The following CCDC190 variants were observed in gnomAD, a reference collection of about 807,000 sequenced individuals.
CCDC190 encodes the protein coiled-coil domain-containing protein 190.
Under a neutral mutation model 13.1 loss-of-function variants are expected in CCDC190, and 10 were observed. The observed-to-expected ratio is 0.77, with a 90% CI of 0.47 to 1.30. CCDC190 has a LOEUF of 1.30. Among genes scored for constraint, CCDC190 ranks in the 50% most tolerant of loss-of-function variants. The pLI, the probability that CCDC190 is intolerant of heterozygous loss-of-function variation, is 0.00. For synonymous variants in CCDC190, 136 were observed against 127.2 expected, an observed-to-expected ratio of 1.07 and a Z score of -0.47; for missense variants, 375 against 354.3, an observed-to-expected ratio of 1.06 and a Z score of -0.47.
Position 162,859,455 on chromosome 1 carries a change from C to T in CCDC190, c.187+5G>A, listed in dbSNP as rs745441821. 1 of 1,612,026 alleles carries T rather than the reference C, an allele frequency of 6.2e-7. No homozygotes were observed. The highest frequency in any genetic ancestry group is 2.2e-5 in the East Asian group (1 of 44,844). ...CATCCTCCTCACCAGTCCTGAAAGTCTTACCTTGCTGCAACCTCTGCAGTT... is the reference window on the plus strand; with the variant it reads ...CATCCTCCTCACCAGTCCTGAAAGTTTTACCTTGCTGCAACCTCTGCAGTT... On this transcript the variant is annotated splice_donor_5th_base_variant and intron_variant, in intron 2 of 3. Transcript: ENST00000367912.
In CCDC190 at chr1:162,853,123, T is replaced by C. The variant is rs1239501745; in HGVS notation, c.*1642A>G. On this transcript the variant is annotated 3_prime_UTR_variant, in exon 4 of 4. Transcript: ENST00000367912. ...AGCAGATTTCTTGTGTTCCTTTCAC[T>C]ATAAAGTATTGTCTCCCCATTGAAG... The C allele has an allele frequency of 6.4e-7, 1 of 1,550,554 alleles. No homozygotes were observed. Among genetic ancestry groups the C allele is most frequent in the Non-Finnish European group, 8.7e-7 (1 of 1,146,800 alleles).
upstream of CCDC190, among the ~76,000 whole-genome samples, chr1:162,863,526 A>G (rs954087151): frequency 6.6e-6 from 1 of 152,202 alleles, no homozygotes; most frequent in African/African-American, 2.4e-5. Flanking sequence ...GACATCAGTC[A>G]GATAGGATGG....
Position 162,852,963 on chromosome 1 carries a change from A to G in CCDC190, c.*1802T>C, listed in dbSNP as rs1368413773. ...GCGCAGTTTACAAAGGGGTTCTCTA[A>G]TTGTTGTATGCCTATTCATGTTGGC... On this transcript the variant is annotated 3_prime_UTR_variant, in exon 4 of 4. Transcript: ENST00000367912. 3.0e-6 allele frequency: 2 copies of G among 657,158 alleles called. No homozygotes were observed. Among genetic ancestry groups the G allele is most frequent in the Non-Finnish European group, 2.7e-6 (1 of 371,542 alleles). The allele number at this position is 657,158 out of a possible 1,614,324, so 40.7% of individuals were successfully genotyped here.
At chr1:162,863,277 A>G (rs1650581555), upstream of CCDC190, among the ~76,000 whole-genome samples, 1 of 152,244 alleles carries the variant, frequency 6.6e-6, no homozygotes, top group Non-Finnish European at 1.5e-5. Flanking sequence ...TTTATAGACT[A>G]TGTGACTGTC....
rs372612357 is a variant in CCDC190, at chr1:162,855,146, A to T, written c.525T>A (p.Ser175=). 1.2e-6 allele frequency: 2 copies of T among 1,613,970 alleles called. No individual in the cohort carries two copies. Among genetic ancestry groups the T allele is most frequent in the Admixed American group, 3.3e-5 (2 of 60,008 alleles). The change falls in exon 4 of 4, where the codon TCT becomes TCA. Residue 175 remains serine (S), a synonymous_variant. Coordinates refer to ENST00000367912, the MANE Select transcript of CCDC190 (RefSeq NM_001394065.1). The part of the protein sequence containing the change: ...SKDVDPSKGI[S]VPCQNQEVST... Reference sequence around the variant, plus strand: ...AAACCTCTTGATTTTGGCATGGAACAGAGATGCCCTTGCTGGGGTCTACGT... The same window carrying T: ...AAACCTCTTGATTTTGGCATGGAACTGAGATGCCCTTGCTGGGGTCTACGT...
Position 162,859,669 on chromosome 1 carries a change from T to G in CCDC190, c.-12-11A>C. On this transcript the variant is annotated splice_polypyrimidine_tract_variant and intron_variant, in intron 1 of 3. Transcript: ENST00000367912. ...CATCTTCTTTATGGTCTAGAGACAA[T>G]AAGGTATCACAAATAACCTGATAAA... 1 of 1,599,344 alleles carries G rather than the reference T, an allele frequency of 6.3e-7. No homozygotes were observed. Among genetic ancestry groups the G allele is most frequent in the Non-Finnish European group, 8.5e-7 (1 of 1,173,640 alleles).
rs1252130509 is a variant in CCDC190, at chr1:162,852,900, G to T, written c.*1865C>A. On this transcript the variant is annotated 3_prime_UTR_variant, in exon 4 of 4. Transcript: ENST00000367912. ...TGTGATGACGATAGGCAAGGCTTGC[G>T]TAGAAGACAAGAAGAAAGAACTTTT... 1 of 558,452 alleles carries T rather than the reference G, an allele frequency of 1.8e-6. No individual in the cohort carries two copies. The highest frequency in any genetic ancestry group is 3.2e-6 in the Non-Finnish European group (1 of 310,806). 34.6% of individuals were successfully genotyped at this position (558,452 alleles called of 1,614,324 possible).
chr1:162,868,113 G>A (rs897163680), intron 1 of CCDC190, among the ~76,000 whole-genome samples: 1 of 152,144 alleles, frequency 6.6e-6, no homozygotes, highest in African/African-American at 2.4e-5. Context: ...GTAAAAGAAA[G>A]TAATTTTCAG....
At chr1:162,860,376 T>C (rs1650464072) in intron 1 of CCDC190, among the ~76,000 whole-genome samples, 1 of 152,148 alleles carries the variant, frequency 6.6e-6, no homozygotes, top group African/African-American at 2.4e-5. Flanking sequence ...CTTCTCAGAC[T>C]TTAGATGCTC....
chr1:162,852,996 T>C lies in CCDC190; in HGVS notation c.*1769A>G, dbSNP rs1436381221. 6.8e-6 allele frequency: 6 copies of C among 884,020 alleles called. No individual in the cohort carries two copies. Among genetic ancestry groups the C allele is most frequent in the Admixed American group, 6.2e-5 (3 of 48,556 alleles). The allele number at this position is 884,020 out of a possible 1,614,324, so 54.8% of individuals were successfully genotyped here. ...ATGCCTATTCATGTTGGCCCAGGCA[T>C]GGCTGGTGCAAATAAATTAAGTTTT... On this transcript the variant is annotated 3_prime_UTR_variant, in exon 4 of 4. Transcript: ENST00000367912.
At chr1:162,864,296 GA>G (rs1216762016), upstream of CCDC190, among the ~76,000 whole-genome samples, 3 of 152,050 alleles carry the variant, frequency 2.0e-5, no homozygotes, top group African/African-American at 7.2e-5. Context: ...AAGAGTTAAG[GA>G]AAATTGAATA....
intron 2 of CCDC190, among the ~76,000 whole-genome samples, chr1:162,856,792 G>A (rs1311872421): frequency 1.3e-5 from 2 of 152,166 alleles, no homozygotes; most frequent in Non-Finnish European, 2.9e-5. Flanking sequence ...TTTGTGAAGT[G>A]ATCAGAGCAA....
intron 1 of CCDC190, among the ~76,000 whole-genome samples, chr1:162,868,353 T>A (rs1650779485): frequency 6.6e-6 from 1 of 152,192 alleles, no homozygotes; most frequent in Non-Finnish European, 1.5e-5. Flanking sequence ...AAAGAACAGT[T>A]AATTGTTCTG....
chr1:162,857,725 T>C (rs1336179779), intron 2 of CCDC190, among the ~76,000 whole-genome samples: 5 of 152,220 alleles, frequency 3.3e-5, no homozygotes. Flanking sequence ...CTTTTTATGT[T>C]CCTGCCCTAC....
At chr1:162,857,982 G>C (rs1650363065) in intron 2 of CCDC190, among the ~76,000 whole-genome samples, 1 of 152,144 alleles carries the variant, frequency 6.6e-6, no homozygotes, top group South Asian at 2.1e-4. Context: ...TGACTCAAAG[G>C]ACTGGCAACA....
At position 162,852,438 on chromosome 1, in the gene CCDC190, G is replaced by A. The variant is rs1650140810; in HGVS notation, c.*2327C>T. 1 of 152,288 alleles carries A rather than the reference G, an allele frequency of 6.6e-6. No individual in the cohort carries two copies. Among genetic ancestry groups the A allele is most frequent in the South Asian group, 2.1e-4 (1 of 4,834 alleles). 9.4% of individuals were successfully genotyped at this position (152,288 alleles called of 1,614,324 possible). A position where few individuals can be genotyped will look rare whatever the true frequency, so the allele number is the denominator to read the frequency against. On this transcript the variant is annotated 3_prime_UTR_variant, in exon 4 of 4. Transcript: ENST00000367912. ...AGTTACACAAGAAAGGTTCCATGCA[G>A]CAGCGTTCTCTTTGATTGAGTTAAG...
rs558495366 is a variant in CCDC190 at position 162,854,291 on chromosome 1, G to A, written c.*474C>T. ...AGGAAAGGGCTTCCAAAGAGAGCAC[G>A]TGGGTGTGGTTAAAGAGCAGATTTT... On this transcript the variant is annotated 3_prime_UTR_variant, in exon 4 of 4. Coordinates refer to ENST00000367912, the MANE Select transcript of CCDC190 (RefSeq NM_001394065.1). The A allele has an allele frequency of 9.1e-5, 90 of 986,228 alleles. No individual in the cohort carries two copies. The highest frequency in any genetic ancestry group is 1.2e-4 in the Admixed American group (2 of 16,412). 61.1% of individuals were successfully genotyped at this position (986,228 alleles called of 1,614,324 possible).
In CCDC190 at chr1:162,855,639, T is replaced by C. The variant is rs369304295; in HGVS notation, c.304A>G (p.Lys102Glu). 2 of 1,613,686 alleles carry C rather than the reference T, an allele frequency of 1.2e-6. No individual in the cohort carries two copies. The highest frequency in any genetic ancestry group is 1.7e-6 in the Non-Finnish European group (2 of 1,179,774). The change falls in exon 3 of 4, where the codon AAA becomes GAA. Residue 102 changes from lysine (K) to glutamate (E), a missense_variant. By Grantham distance (56) the Lys-to-Glu change is moderately conservative. Coordinates refer to ENST00000367912, the MANE Select transcript of CCDC190 (RefSeq NM_001394065.1). ...RQKHRAPQAK[K>E]MRALATRMAQ... ...TAGTAATCCATTTCTTACCTCATTT[T>C]CTTAGCCTGTGGGGCTCTGTGCTTC...
At chr1:162,861,619 C>A (rs181823740), upstream of CCDC190, among the ~76,000 whole-genome samples, 3 of 152,288 alleles carry the variant, frequency 2.0e-5, no homozygotes, top group East Asian at 1.9e-4. Flanking sequence ...CTTCCCCAGG[C>A]CTTTCCACAT....
Sources: gnomAD v4.1 joint callset for allele counts (sites outside exome capture counted in the v4.1 genomes callset) on GRCh38, gnomAD v4.1.1 for gene constraint, MANE v1.5 for transcripts, NCBI Gene and HGNC (gene_info 2026-07-23, HGNC 2026-07-21) for gene names.